The following CSMD3 variants were observed in gnomAD, a reference collection of about 807,000 sequenced individuals.
CSMD3 encodes CUB and sushi domain-containing protein 3.
Under a neutral mutation model 435.2 loss-of-function variants are expected in CSMD3, and 177 were observed. That is an observed-to-expected ratio of 0.41 (90% confidence interval 0.36 to 0.46). The LOEUF (loss-of-function observed/expected upper bound fraction) is 0.46, where lower values mean the gene tolerates loss of function less well. Ranked by LOEUF, CSMD3 falls within the 20% of genes least tolerant of loss-of-function variation. The pLI is 0.34. For missense variants in CSMD3, 4,265 were observed against 4,504.6 expected (o/e 0.95, Z 1.52); for synonymous variants, 1,656 against 1,520.5 (o/e 1.09, Z -2.07).
At chr8:112,274,589 C>T (rs889309272) in intron 59 of CSMD3, among the ~76,000 whole-genome samples, 1 of 152,160 alleles carries the variant, frequency 6.6e-6, no homozygotes, top group Non-Finnish European at 1.5e-5. Flanking sequence ...AAAACTACCC[C>T]AAAAGATGAG....
chr8:112,283,138 A>G (rs1310333059), intron 58 of CSMD3, among the ~76,000 whole-genome samples: 1 of 152,058 alleles, frequency 6.6e-6, no homozygotes, highest in African/African-American at 2.4e-5. Flanking sequence ...AAAGCTAGTT[A>G]ATAGCAGATT....
intron 30 of CSMD3, among the ~76,000 whole-genome samples, chr8:112,501,247 T>G (rs2130902504): frequency 6.6e-6 from 1 of 151,992 alleles, no homozygotes. Context: ...GAGTAATAAT[T>G]CAGTGGCAAT....
At chr8:112,226,059 A>T (rs1166537385) in intron 70 of CSMD3, among the ~76,000 whole-genome samples, 2 of 152,170 alleles carry the variant, frequency 1.3e-5, no homozygotes, top group Non-Finnish European at 2.9e-5. Context: ...TCGAATTTCA[A>T]CTATTAATTT....
At chr8:112,263,346 G>T (rs1816619316) in intron 61 of CSMD3, among the ~76,000 whole-genome samples, 1 of 152,024 alleles carries the variant, frequency 6.6e-6, no homozygotes, top group African/African-American at 2.4e-5. Flanking sequence ...AAGACAAAAA[G>T]GACATAAATA....
intron 22 of CSMD3, among the ~76,000 whole-genome samples, chr8:112,614,082 T>C (rs919525616): frequency 7.9e-5 from 12 of 152,140 alleles, no homozygotes; most frequent in Non-Finnish European, 1.6e-4. Flanking sequence ...TCATTAAAAG[T>C]CACTTTTTAG....
At chr8:113,339,476 G>C (rs2094102469) in intron 1 of CSMD3, among the ~76,000 whole-genome samples, 1 of 151,966 alleles carries the variant, frequency 6.6e-6, no homozygotes, top group Non-Finnish European at 1.5e-5. Flanking sequence ...ATTTTCTTCA[G>C]AAGAGGACAA....
At chr8:112,889,298 T>C (rs990334004) in intron 10 of CSMD3, among the ~76,000 whole-genome samples, 2 of 151,666 alleles carry the variant, frequency 1.3e-5, no homozygotes, top group African/African-American at 4.8e-5. Flanking sequence ...ATTCATTGCC[T>C]CTGGACTCAG....
chr8:112,639,111 T>C (rs1162910024), intron 20 of CSMD3, among the ~76,000 whole-genome samples, 200 bp from the exon 21 acceptor site: 2 of 152,048 alleles, frequency 1.3e-5, no homozygotes, highest in African/African-American at 2.4e-5. Flanking sequence ...ATAAGAGATA[T>C]AATGAGTCAT....
At chr8:113,059,141 A>C (rs2088485905) in intron 5 of CSMD3, among the ~76,000 whole-genome samples, 1 of 152,172 alleles carries the variant, frequency 6.6e-6, no homozygotes, top group Non-Finnish European at 1.5e-5. Context: ...TTAGAAACTG[A>C]CAGTAAAAAC....
At chr8:112,280,848 A>AT (rs1446659805) in intron 59 of CSMD3, among the ~76,000 whole-genome samples, 5 of 152,162 alleles carry the variant, frequency 3.3e-5, no homozygotes, top group Admixed American at 1.3e-4. Flanking sequence ...ACAAAATAAA[A>AT]TTGCATCCAT....
chr8:113,040,754 A>G (rs2087570860), intron 5 of CSMD3, among the ~76,000 whole-genome samples: 1 of 152,256 alleles, frequency 6.6e-6, no homozygotes, highest in South Asian at 2.1e-4. Context: ...TATCAAATAC[A>G]CAGGTGGCTA....
At chr8:113,174,587 G>T (rs1447560580) in intron 3 of CSMD3, among the ~76,000 whole-genome samples, 3 of 151,804 alleles carry the variant, frequency 2.0e-5, no homozygotes, top group Non-Finnish European at 4.4e-5. Flanking sequence ...TATTCTATTA[G>T]TTGATGCTGA....
chr8:113,153,101 A>AAAGAAAAGAAAGAAAGAAAG (rs35085690), intron 4 of CSMD3, among the ~76,000 whole-genome samples: 4 of 100,052 alleles, frequency 4.0e-5, no homozygotes, highest in African/African-American at 1.4e-4. Flanking sequence ...AGAAAGAAAG[A>AAAGAAAAGAAAGAAAGAAAG]AAAGAAAGAA....
intron 3 of CSMD3, among the ~76,000 whole-genome samples, chr8:113,210,752 C>G (rs1039553768): frequency 3.3e-5 from 5 of 151,918 alleles, no homozygotes; most frequent in African/African-American, 1.2e-4. Context: ...TAGCAGGGAC[C>G]TGTAATCCCA....
chr8:112,681,039 CTTT>C (rs397686222), intron 16 of CSMD3, among the ~76,000 whole-genome samples: 1 of 139,498 alleles, frequency 7.2e-6, no homozygotes, highest in Non-Finnish European at 1.6e-5. Context: ...TTTCCTTTTT[CTTT>C]TTTTTTTTTT....
chr8:113,391,513 T>C (rs574404381), intron 1 of CSMD3, among the ~76,000 whole-genome samples: 2 of 152,130 alleles, frequency 1.3e-5, no homozygotes, highest in South Asian at 4.1e-4. Flanking sequence ...TGCATAGCAT[T>C]AAGAAATTAT....
chr8:112,743,274 T>A (rs1054317520), intron 13 of CSMD3, among the ~76,000 whole-genome samples: 1 of 151,380 alleles, frequency 6.6e-6, no homozygotes, highest in African/African-American at 2.4e-5. Flanking sequence ...GATATGGCAG[T>A]AATTAAGGCT....
At chr8:113,077,960 T>C (rs2089413278) in intron 5 of CSMD3, among the ~76,000 whole-genome samples, 1 of 152,134 alleles carries the variant, frequency 6.6e-6, no homozygotes. Flanking sequence ...ATTTTAGAAA[T>C]TAAATGTAAA....
intron 22 of CSMD3, among the ~76,000 whole-genome samples, chr8:112,626,618 A>G (rs909552951): frequency 1.2e-4 from 18 of 152,142 alleles, no homozygotes; most frequent in African/African-American, 4.3e-4. Context: ...TCCCAGCTTC[A>G]AAATAATTTT....
Sources: allele counts gnomAD v4.1 joint callset (sites outside exome capture counted in the v4.1 genomes callset), GRCh38; gene constraint gnomAD v4.1.1; transcripts MANE v1.5; gene names NCBI Gene and HGNC (gene_info 2026-07-23, HGNC 2026-07-21).